BTF3L4: variants seen among roughly 807,000 people sequenced by gnomAD.
BTF3L4 encodes the protein transcription factor BTF3 homolog 4.
In BTF3L4, 6 loss-of-function variants were observed where a neutral mutation model predicts 16.8. That is an observed-to-expected ratio of 0.36 (90% confidence interval 0.20 to 0.71). The LOEUF is 0.71. BTF3L4 is among the 30% of genes least tolerant of loss of function. The probability of loss-of-function intolerance (pLI) is 0.58; values close to 1 mark genes in which losing one functional copy is unlikely to be tolerated. For synonymous variants in BTF3L4, 39 were observed against 59.8 expected (o/e 0.65, Z 1.60); for missense variants, 92 against 186.9 (o/e 0.49, Z 2.96).
At chr1:52,082,117 C>A (rs1012755250) in intron 3 of BTF3L4, among the ~76,000 whole-genome samples, 1 of 152,120 alleles carries the variant, frequency 6.6e-6, no homozygotes, top group Non-Finnish European at 1.5e-5. Flanking sequence ...GGGGAATCAA[C>A]TACATAGTGG....
chr1:52,059,708 C>A, intron 1 of BTF3L4, 127 bp from the exon 2 acceptor site: 1 of 559,146 alleles, frequency 1.8e-6, no homozygotes, highest in Admixed American at 3.4e-5. Context: ...AGAATATAGA[C>A]AGTATTAATA....
chr1:52,069,452 G>T (rs1160183355), intron 3 of BTF3L4, among the ~76,000 whole-genome samples: 9 of 151,952 alleles, frequency 5.9e-5, no homozygotes, highest in Non-Finnish European at 7.4e-5. Context: ...TGAAAATATA[G>T]ATATGATTTT....
At position 52,073,448 on chromosome 1, in the gene BTF3L4, A is replaced by ACACTATATATATG. The variant is rs1187969419; in HGVS notation, c.168+8538_168+8550dup. On this transcript the variant is annotated intron_variant, in intron 3 of 5. Transcript: ENST00000313334. ...TATTTAATCTTTCCCATCTTTATGT[A>ACACTATATATATG]CACTATATATATGCACTATATATAT... Among the ~76,000 whole-genome samples the ACACTATATATATG allele has an allele frequency of 6.9e-3, 1,048 of 150,890 alleles. 42 individuals are homozygous for ACACTATATATATG. In the East Asian group the frequency reaches 0.079, roughly 11 times the overall value.
chr1:52,060,318 G>C, intron 2 of BTF3L4: 1 of 360,748 alleles, frequency 2.8e-6, no homozygotes, highest in Admixed American at 3.7e-5. Context: ...AGACTCACTT[G>C]CAGGGCATAC....
At chr1:52,058,895 G>A (rs550642417) in intron 1 of BTF3L4, among the ~76,000 whole-genome samples, 124 of 152,232 alleles carry the variant, frequency 8.1e-4, no homozygotes, top group African/African-American at 2.5e-3. Flanking sequence ...CCACCGTGCC[G>A]GGCCTGAATT....
Position 52,060,375 on chromosome 1 carries a change from C to G in BTF3L4, c.54+474C>G, listed in dbSNP as rs914474695. The G allele has an allele frequency of 4.3e-6, 4 of 921,474 alleles. No homozygotes were observed. In the African/African-American group the frequency reaches 6.9e-5, roughly 16 times the overall value. The allele number at this position is 921,474 out of a possible 1,614,324, so 57.1% of individuals were successfully genotyped here. Reference sequence around the variant, plus strand: ...CTTGACTGGATGTTACCTACTTGTACAGAGGTTTAGCTGGAGATGCTTAAG... The same window carrying G: ...CTTGACTGGATGTTACCTACTTGTAGAGAGGTTTAGCTGGAGATGCTTAAG... On this transcript the variant is annotated intron_variant, in intron 2 of 5. Transcript: ENST00000313334.
At chr1:52,057,053 G>A (rs1686385182) in intron 1 of BTF3L4, among the ~76,000 whole-genome samples, 1 of 152,194 alleles carries the variant, frequency 6.6e-6, no homozygotes, top group African/African-American at 2.4e-5. Context: ...CCCTGTGGTT[G>A]ATAATGTTTT....
At chr1:52,074,899 G>A (rs192106850) in intron 3 of BTF3L4, among the ~76,000 whole-genome samples, 60 of 151,876 alleles carry the variant, frequency 4.0e-4, no homozygotes, top group African/African-American at 1.3e-3. Flanking sequence ...CAGGCTGAGA[G>A]ATTCCATCAC....
chr1:52,058,758 C>T (rs370621208), intron 1 of BTF3L4, among the ~76,000 whole-genome samples: 31 of 152,254 alleles, frequency 2.0e-4, no homozygotes, highest in East Asian at 1.7e-3. Flanking sequence ...TGTGCCACCA[C>T]GCCCGGCTAA....
chr1:52,058,133 T>G (rs1686421537), intron 1 of BTF3L4, among the ~76,000 whole-genome samples: 2 of 152,208 alleles, frequency 1.3e-5, no homozygotes, highest in African/African-American at 4.8e-5. Context: ...TCTGTGGATA[T>G]TTGAGCATAG....
intron 3 of BTF3L4, among the ~76,000 whole-genome samples, chr1:52,066,135 A>ATT (rs1686641631): frequency 6.6e-6 from 1 of 152,314 alleles, no homozygotes; most frequent in African/African-American, 2.4e-5. Flanking sequence ...GATACTTAAT[A>ATT]AATAACAACA....
chr1:52,084,708 C>CT (rs1643954394), intron 4 of BTF3L4, among the ~76,000 whole-genome samples: 1 of 151,522 alleles, frequency 6.6e-6, no homozygotes. Flanking sequence ...AGGAGGATCA[C>CT]TTGAGCCCAG....
At chr1:52,058,227 AAC>A (rs1269317329) in intron 1 of BTF3L4, among the ~76,000 whole-genome samples, 1 of 152,192 alleles carries the variant, frequency 6.6e-6, no homozygotes, top group Non-Finnish European at 1.5e-5. Flanking sequence ...TTGGACTCTA[AAC>A]ACACTTCCTC....
chr1:52,088,881 A>ATTCTCCTG lies in BTF3L4; in HGVS notation c.*2125_*2132dup, dbSNP rs1302332763. 6.8e-6 allele frequency: 1 copy of ATTCTCCTG among 147,936 alleles called. No individual in the cohort carries two copies. Among genetic ancestry groups the ATTCTCCTG allele is most frequent in the African/African-American group, 2.5e-5 (1 of 39,758 alleles). 9.2% of individuals were successfully genotyped at this position (147,936 alleles called of 1,614,324 possible). On this transcript the variant is annotated 3_prime_UTR_variant, in exon 6 of 6. Transcript: ENST00000313334. The stretch of plus-strand genomic sequence containing the variant: ...AACCTCCACCTCCCAGATTCAAGCG[A>ATTCTCCTG]TTCTCCTGTCTCAGCCTCCACAGTA...
At chr1:52,059,923 T>C (rs750924718) in intron 2 of BTF3L4, 22 bp downstream of exon 2, 12 of 1,601,166 alleles carry the variant, frequency 7.5e-6, no homozygotes, top group South Asian at 1.1e-5. Flanking sequence ...ATAAGAAAAA[T>C]TGATAGGAGA....
At chr1:52,070,867 C>A (rs979588310) in intron 3 of BTF3L4, among the ~76,000 whole-genome samples, 6 of 152,030 alleles carry the variant, frequency 3.9e-5, no homozygotes, top group Non-Finnish European at 5.9e-5. Flanking sequence ...AACTCCTGAC[C>A]TCAGAAGTTC....
intron 5 of BTF3L4, chr1:52,086,422 G>A: frequency 2.1e-6 from 1 of 487,220 alleles, no homozygotes; most frequent in Non-Finnish European, 3.6e-6. Flanking sequence ...AATTTGCATA[G>A]CTATTGTTAT....
At position 52,064,945 on chromosome 1, in the gene BTF3L4, T is replaced by A. The variant is rs558422614; in HGVS notation, c.168+7T>A. On this transcript the variant is annotated splice_region_variant and intron_variant, in intron 3 of 5. Coordinates refer to ENST00000313334, the MANE Select transcript of BTF3L4 (RefSeq NM_152265.5). Reference sequence around the variant, plus strand: ...TATAGCTGGTATTGAAGAGGTATGATCACTTTGCAAGTTGTTAAATTGTGT... The same window carrying A: ...TATAGCTGGTATTGAAGAGGTATGAACACTTTGCAAGTTGTTAAATTGTGT... 1.2e-5 allele frequency: 18 copies of A among 1,561,062 alleles called. No individual in the cohort carries two copies. The South Asian group carries it at 1.9e-4, about 17-fold the overall frequency.
At chr1:52,064,314 A>G (rs1370306691) in intron 2 of BTF3L4, among the ~76,000 whole-genome samples, 1 of 152,076 alleles carries the variant, frequency 6.6e-6, no homozygotes, top group African/African-American at 2.4e-5. Flanking sequence ...CTTTTTTCTT[A>G]ATAGTACTTA....
Sources: gnomAD v4.1 joint callset for allele counts (sites outside exome capture counted in the v4.1 genomes callset) on GRCh38, gnomAD v4.1.1 for gene constraint, MANE v1.5 for transcripts, NCBI Gene and HGNC (gene_info 2026-07-23, HGNC 2026-07-21) for gene names.